ADAMTSL1: variants seen among roughly 807,000 people sequenced by gnomAD.
ADAMTSL1 encodes ADAMTS-like protein 1.
A neutral mutation model predicts 201.8 loss-of-function variants in ADAMTSL1; 126 were observed. The ratio of observed to expected loss-of-function variants is 0.62; its 90% CI spans 0.54 to 0.72. The LOEUF (loss-of-function observed/expected upper bound fraction) is 0.72, where lower values mean the gene tolerates loss of function less well. Ranked by LOEUF, ADAMTSL1 falls within the 30% of genes least tolerant of loss-of-function variation. ADAMTSL1 has a pLI of 0.00. For missense variants in ADAMTSL1, 2,679 were observed against 2,277.8 expected, an observed-to-expected ratio of 1.18 and a Z score of -3.59; for synonymous variants, 1,121 against 903.4, an observed-to-expected ratio of 1.24 and a Z score of -4.32.
chr9:18,821,546 G>T (rs1387597160), intron 21 of ADAMTSL1, among the ~76,000 whole-genome samples: 1 of 152,178 alleles, frequency 6.6e-6, no homozygotes, highest in African/African-American at 2.4e-5. Flanking sequence ...GGGAAGGTAG[G>T]CTCACTGGGT....
At chr9:18,447,075 A>G (rs1174439208) in intron 2 of ADAMTSL1, among the ~76,000 whole-genome samples, 3 of 152,144 alleles carry the variant, frequency 2.0e-5, no homozygotes, top group Admixed American at 6.5e-5. Flanking sequence ...ATAGTTTTTG[A>G]CTAGTTTGGA....
chr9:18,262,951 T>G (rs999116879), intron 2 of ADAMTSL1, among the ~76,000 whole-genome samples: 1 of 152,198 alleles, frequency 6.6e-6, no homozygotes, highest in African/African-American at 2.4e-5. Context: ...AAACATCTGA[T>G]TGATGAGTTA....
chr9:18,777,777 C>A lies in ADAMTSL1; in HGVS notation c.3548C>A (p.Thr1183Asn). 1 of 1,613,788 alleles carries A rather than the reference C, an allele frequency of 6.2e-7. No homozygotes were observed. Among genetic ancestry groups the A allele is most frequent in the East Asian group, 2.2e-5 (1 of 44,862 alleles). The change falls in exon 19 of 29, where the codon ACC (threonine) becomes AAC (asparagine). Residue 1183 changes from threonine to asparagine, a missense_variant. Coordinates refer to ENST00000380548, the MANE Select transcript of ADAMTSL1 (RefSeq NM_001040272.6). ...CAGCTCTCAGCCTCGGAGGTGGTCA[C>A]CCACCTGGGGCAGACGGTGGCCCTG... is the stretch of plus-strand genomic sequence containing the variant. ...AQQLSASEVVTHLGQTVALAS... is the reference protein window; with the variant it reads ...AQQLSASEVVNHLGQTVALAS...
intron 19 of ADAMTSL1, among the ~76,000 whole-genome samples, chr9:18,795,128 G>T (rs1302092266): frequency 6.6e-6 from 1 of 152,176 alleles, no homozygotes; most frequent in Non-Finnish European, 1.5e-5. Context: ...CACATATGTT[G>T]TCTGGTCCAG....
At chr9:18,512,137 T>C (rs1458786217) in intron 2 of ADAMTSL1, among the ~76,000 whole-genome samples, 1 of 152,224 alleles carries the variant, frequency 6.6e-6, no homozygotes, top group Admixed American at 6.5e-5. Context: ...GAACATATGC[T>C]TAAGAGTTTG....
intron 1 of ADAMTSL1, among the ~76,000 whole-genome samples, chr9:18,052,195 A>AGAAGTGGCCCTTGCCTGTCT (rs1256457419): frequency 6.6e-6 from 1 of 152,258 alleles, no homozygotes; most frequent in Non-Finnish European, 1.5e-5. Context: ...TTACCTTTGC[A>AGAAGTGGCCCTTGCCTGTCT]GAAGTGGCCC....
intron 1 of ADAMTSL1, among the ~76,000 whole-genome samples, chr9:18,062,524 G>C (rs926006555): frequency 2.0e-5 from 3 of 151,866 alleles, no homozygotes; most frequent in Admixed American, 6.6e-5. Flanking sequence ...CCATATACAG[G>C]CTACCTAATA....
intron 1 of ADAMTSL1, among the ~76,000 whole-genome samples, chr9:18,078,221 A>G (rs1823317934): frequency 6.6e-6 from 1 of 152,138 alleles, no homozygotes; most frequent in Non-Finnish European, 1.5e-5. Flanking sequence ...TAAAAATAAA[A>G]CAATTTTTTT....
intron 1 of ADAMTSL1, among the ~76,000 whole-genome samples, chr9:18,054,311 C>G (rs1193878544): frequency 2.6e-5 from 4 of 152,132 alleles, no homozygotes; most frequent in Non-Finnish European, 5.9e-5. Context: ...TACAGCTTTT[C>G]AATTTTTTCC....
intron 1 of ADAMTSL1, among the ~76,000 whole-genome samples, chr9:18,023,085 C>T (rs912343024): frequency 2.2e-4 from 34 of 152,006 alleles, no homozygotes; most frequent in African/African-American, 8.0e-4. Context: ...GTAGCTGTTT[C>T]CTGAAAGTAC....
In ADAMTSL1 at chr9:18,149,071, T is replaced by C. The variant is rs534380344; in HGVS notation, c.88-14791T>C. ...CTGGGAATTTTTAAGTGGCTTATGC[T>C]GTAGAGGAATAGATGATTGATTCCC... is the stretch of plus-strand genomic sequence containing the variant. On this transcript the variant is annotated intron_variant, in intron 1 of 29. Coordinates refer to the ADAMTSL1 transcript ENST00000680146. Among the ~76,000 whole-genome samples the C allele has an allele frequency of 2.0e-5, 3 of 152,206 alleles. No individual in the cohort carries two copies. The South Asian group carries it at 6.2e-4, about 32-fold the overall frequency.
intron 23 of ADAMTSL1, among the ~76,000 whole-genome samples, chr9:18,880,734 G>T (rs1013502757): frequency 6.6e-6 from 1 of 152,128 alleles, no homozygotes; most frequent in South Asian, 2.1e-4. Flanking sequence ...AAGTCACCAG[G>T]TGCATTATCC....
At position 18,880,937 on chromosome 9, in the gene ADAMTSL1, C is replaced by T. The variant is rs181327673; in HGVS notation, c.4250-6894C>T. 9.4e-4 allele frequency among the ~76,000 whole-genome samples: 143 copies of T among 152,328 alleles called. 2 individuals are homozygous for T. The highest frequency in any genetic ancestry group is 1.7e-4 in the African/African-American group (7 of 41,586). On this transcript the variant is annotated intron_variant, in intron 23 of 28. Transcript: ENST00000380548. ...TTTTCTGGATAACTTGCTGCTTTAACTTGCACTTTTATGTAAGAGAGACTG... is the reference window on the plus strand; with the variant it reads ...TTTTCTGGATAACTTGCTGCTTTAATTTGCACTTTTATGTAAGAGAGACTG...
At chr9:18,159,954 A>T (rs981631612) in intron 1 of ADAMTSL1, among the ~76,000 whole-genome samples, 1 of 152,166 alleles carries the variant, frequency 6.6e-6, no homozygotes, top group African/African-American at 2.4e-5. Flanking sequence ...CCCTTTAATG[A>T]AGTAGAGAAT....
chr9:18,580,434 A>G (rs1403469771), intron 4 of ADAMTSL1, among the ~76,000 whole-genome samples: 1 of 152,202 alleles, frequency 6.6e-6, no homozygotes, highest in African/African-American at 2.4e-5. Flanking sequence ...TGATGTCAGA[A>G]ATAAGGCGTT....
At chr9:17,986,895 A>T (rs2131485375) in intron 1 of ADAMTSL1, among the ~76,000 whole-genome samples, 1 of 152,254 alleles carries the variant, frequency 6.6e-6, no homozygotes, top group Non-Finnish European at 1.5e-5. Flanking sequence ...TAAATAAAAA[A>T]GTGCTAAAAT....
intron 1 of ADAMTSL1, among the ~76,000 whole-genome samples, chr9:18,083,732 C>A (rs749900265): frequency 6.6e-6 from 1 of 152,292 alleles, no homozygotes; most frequent in South Asian, 2.1e-4. Flanking sequence ...GTCCATAAGA[C>A]GTACATAATG....
intron 2 of ADAMTSL1, among the ~76,000 whole-genome samples, chr9:18,420,205 A>T (rs1818879413): frequency 6.6e-6 from 1 of 152,198 alleles, no homozygotes; most frequent in Non-Finnish European, 1.5e-5. Flanking sequence ...ATCAGTAATT[A>T]CTAGGAGTTA....
chr9:18,374,923 G>A (rs1027891050), intron 2 of ADAMTSL1, among the ~76,000 whole-genome samples: 45 of 152,216 alleles, frequency 3.0e-4, no homozygotes, highest in Non-Finnish European at 8.8e-5. Context: ...GCTGACAATG[G>A]TTAATAATAG....
Sources: allele counts gnomAD v4.1 joint callset (sites outside exome capture counted in the v4.1 genomes callset), GRCh38; gene constraint gnomAD v4.1.1; transcripts MANE v1.5; gene names NCBI Gene and HGNC (gene_info 2026-07-23, HGNC 2026-07-21).